KLF9: variants seen among roughly 807,000 people sequenced by gnomAD.
The protein encoded by KLF9 is KLF transcription factor 9.
In KLF9, 2 loss-of-function variants were observed where a neutral mutation model predicts 17.3. The ratio of observed to expected loss-of-function variants is 0.12; its 90% CI spans 0.05 to 0.36. The LOEUF (loss-of-function observed/expected upper bound fraction) is 0.36. Ranked by LOEUF, KLF9 falls within the 10% of genes least tolerant of loss-of-function variation. The probability of loss-of-function intolerance (pLI) is 1.00; values close to 1 mark genes in which losing one functional copy is unlikely to be tolerated. For synonymous variants in KLF9, 138 were observed against 139.2 expected (o/e 0.99, Z 0.06); for missense variants, 226 against 333.2 (o/e 0.68, Z 2.51).
At chr9:70,403,337 C>G (rs947898846) in intron 1 of KLF9, among the ~76,000 whole-genome samples, 1 of 152,086 alleles carries the variant, frequency 6.6e-6, no homozygotes, top group African/African-American at 2.4e-5. Flanking sequence ...CACCTCCAGA[C>G]CCAGAGATTG....
rs777379265 is a variant in KLF9, at chr9:70,412,851, C to T, written c.505+8G>A. 6.4e-7 allele frequency: 1 copy of T among 1,553,666 alleles called. No individual in the cohort carries two copies. The highest frequency in any genetic ancestry group is 1.4e-5 in the African/African-American group (1 of 73,268). ...CAGAGCTCCGGGGGAGAGGGCGACG[C>T]CGCTAACCTGTATGCACTCTGTAAT... On this transcript the variant is annotated splice_region_variant and intron_variant, in intron 1 of 1. Transcript: ENST00000377126.
At chr9:70,404,941 G>A (rs1298428404) in intron 1 of KLF9, among the ~76,000 whole-genome samples, 2 of 152,124 alleles carry the variant, frequency 1.3e-5, no homozygotes, top group African/African-American at 2.4e-5. Flanking sequence ...GTGCTCTGAC[G>A]ACTCTATCTA....
chr9:70,395,324 A>G (rs796351348), intron 1 of KLF9, among the ~76,000 whole-genome samples: 4 of 152,324 alleles, frequency 2.6e-5, no homozygotes, highest in African/African-American at 9.6e-5. Context: ...TGATTTCCAA[A>G]TGGGCTATAA....
intron 1 of KLF9, among the ~76,000 whole-genome samples, chr9:70,401,206 G>C (rs927164314): frequency 2.1e-4 from 32 of 151,766 alleles, no homozygotes; most frequent in Admixed American, 1.1e-3. Context: ...AAATTAGCTG[G>C]GCATGGTGGT....
Position 70,412,808 on chromosome 9 carries a change from C to A in KLF9, c.505+51G>T, listed in dbSNP as rs563920916. The A allele has an allele frequency of 5.3e-6, 8 of 1,515,318 alleles. No homozygotes were observed. In the Admixed American group the frequency reaches 8.8e-5, roughly 17 times the overall value. 93.9% of individuals were successfully genotyped at this position (1,515,318 alleles called of 1,614,324 possible). On this transcript the variant is annotated intron_variant, in intron 1 of 1. Transcript: ENST00000377126. ...CCGAACGCCCAGGAACGCTGCCTGG[C>A]CAAAGGTTAACTAACCCCAGAGCTC...
chr9:70,387,878 G>A lies in KLF9; in HGVS notation c.633C>T (p.Arg211=). ...KQFRCPLCEK[R]FMRSDHLTKH... ...TTGTGAGGTGGTCACTCCTCATGAAGCGCTTCTCACACAGCGGACAGCGGA... is the reference window on the plus strand; with the variant it reads ...TTGTGAGGTGGTCACTCCTCATGAAACGCTTCTCACACAGCGGACAGCGGA... Residue 211 remains arginine, a synonymous_variant, in exon 2 of 2, where the codon CGC becomes CGT. Coordinates refer to ENST00000377126, the MANE Select transcript of KLF9 (RefSeq NM_001206.4). 6.2e-7 allele frequency: 1 copy of A among 1,614,150 alleles called. No individual in the cohort carries two copies. The highest frequency in any genetic ancestry group is 2.2e-5 in the East Asian group (1 of 44,868).
intron 1 of KLF9, among the ~76,000 whole-genome samples, chr9:70,402,820 A>C (rs1306073775): frequency 6.6e-6 from 1 of 152,166 alleles, no homozygotes; most frequent in Non-Finnish European, 1.5e-5. Context: ...TCATTTTGTC[A>C]AACTCTGTTC....
intron 1 of KLF9, among the ~76,000 whole-genome samples, chr9:70,396,263 G>A (rs1041399031): frequency 6.6e-5 from 10 of 152,182 alleles, no homozygotes; most frequent in African/African-American, 2.4e-4. Context: ...AGGGATACCA[G>A]CATTGCTTAT....
chr9:70,404,996 T>C (rs1452590963), intron 1 of KLF9, among the ~76,000 whole-genome samples: 1 of 152,196 alleles, frequency 6.6e-6, no homozygotes, highest in Non-Finnish European at 1.5e-5. Flanking sequence ...TTCCAGTTCC[T>C]CAGTTTGACT....
intron 1 of KLF9, among the ~76,000 whole-genome samples, chr9:70,397,428 T>C (rs189129463): frequency 6.6e-6 from 1 of 151,882 alleles, no homozygotes; most frequent in African/African-American, 2.4e-5. Flanking sequence ...TGAGCTGAGA[T>C]TGCACCACTG....
At chr9:70,408,990 A>G (rs2037276166) in intron 1 of KLF9, among the ~76,000 whole-genome samples, 1 of 94,844 alleles carries the variant, frequency 1.1e-5, no homozygotes, top group African/African-American at 4.3e-5. Flanking sequence ...TGCACTATAT[A>G]TATATATGTG....
chr9:70,409,113 T>G (rs1485210317), intron 1 of KLF9, among the ~76,000 whole-genome samples: 1 of 90,744 alleles, frequency 1.1e-5, no homozygotes, highest in Non-Finnish European at 2.6e-5. Context: ...TGTATATATA[T>G]ACATATATGT....
In KLF9 at chr9:70,413,607, C is replaced by T. The variant is rs1446217843; in HGVS notation, c.-244G>A. 4.8e-6 allele frequency: 1 copy of T among 210,068 alleles called. No homozygotes were observed. The highest frequency in any genetic ancestry group is 9.1e-6 in the Non-Finnish European group (1 of 109,992). 13.0% of individuals were successfully genotyped at this position (210,068 alleles called of 1,614,324 possible). On this transcript the variant is annotated 5_prime_UTR_variant, in exon 1 of 2. Transcript: ENST00000377126. The surrounding 1 kb of genome is among the most constrained non-coding windows in gnomAD (Gnocchi z 5.6). Reference sequence around the variant, plus strand: ...TCCACGGCCCCGGGCTCCGCCGCGCCGCCGCCTCTAGCCGCCGCCCCTGCC... The same window carrying T: ...TCCACGGCCCCGGGCTCCGCCGCGCTGCCGCCTCTAGCCGCCGCCCCTGCC...
chr9:70,412,354 G>A (rs1179881018), intron 1 of KLF9, among the ~76,000 whole-genome samples: 2 of 152,016 alleles, frequency 1.3e-5, no homozygotes, highest in Non-Finnish European at 2.9e-5. Context: ...AACCACCTTG[G>A]CAAGCCCAAA....
In KLF9 at chr9:70,385,290, GT is replaced by G. The variant is rs1186935836; in HGVS notation, c.*2485del. 1 of 152,566 alleles carries G rather than the reference GT, an allele frequency of 6.6e-6. No individual in the cohort carries two copies. Among genetic ancestry groups the G allele is most frequent in the Admixed American group, 6.5e-5 (1 of 15,272 alleles). The allele number at this position is 152,566 out of a possible 1,614,324, so 9.5% of individuals were successfully genotyped here. On this transcript the variant is annotated 3_prime_UTR_variant, in exon 2 of 2. Transcript: ENST00000377126. ...AAATCTAATTAGAATGCTGGTTCCT[GT>G]TTTGTGACATTTTAAAACAGGATTT...
At chr9:70,409,136 A>ATATATG (rs2037288215) in intron 1 of KLF9, among the ~76,000 whole-genome samples, 51 of 54,712 alleles carry the variant, frequency 9.3e-4, no homozygotes, top group African/African-American at 2.0e-3. Flanking sequence ...ATATGTATAC[A>ATATATG]TATATATGTA....
rs1190597121 is a variant in KLF9 at position 70,384,732 on chromosome 9, A to G, written c.*3044T>C. 1 of 152,664 alleles carries G rather than the reference A, an allele frequency of 6.6e-6. No homozygotes were observed. Among genetic ancestry groups the G allele is most frequent in the Admixed American group, 6.5e-5 (1 of 15,280 alleles). 9.5% of individuals were successfully genotyped at this position (152,664 alleles called of 1,614,324 possible). On this transcript the variant is annotated 3_prime_UTR_variant, in exon 2 of 2. Coordinates refer to ENST00000377126, the MANE Select transcript of KLF9 (RefSeq NM_001206.4). ...CAGCAAAATAACTTAGGTCACTAAT[A>G]CTGTACAAAAATAAAACTGATTAAA...
Position 70,387,708 on chromosome 9 carries a change from C to T in KLF9, c.*68G>A, listed in dbSNP as rs981785477. 5.0e-6 allele frequency: 7 copies of T among 1,386,848 alleles called. No homozygotes were observed. The highest frequency in any genetic ancestry group is 2.8e-5 in the African/African-American group (2 of 70,404). 85.9% of individuals were successfully genotyped at this position (1,386,848 alleles called of 1,614,324 possible). ...CCTCTTCTGGGGCTCAGTTTTCACGCGTCTGTTTCCTGGGAGTACTTTTCT... is the reference window on the plus strand; with the variant it reads ...CCTCTTCTGGGGCTCAGTTTTCACGTGTCTGTTTCCTGGGAGTACTTTTCT... On this transcript the variant is annotated 3_prime_UTR_variant, in exon 2 of 2. Transcript: ENST00000377126.
At chr9:70,392,558 G>A (rs1248513034) in intron 1 of KLF9, among the ~76,000 whole-genome samples, 1 of 152,098 alleles carries the variant, frequency 6.6e-6, no homozygotes, top group African/African-American at 2.4e-5. Flanking sequence ...ATATAATAAG[G>A]TATTATTTAG....
Sources: gnomAD v4.1 joint callset for allele counts (sites outside exome capture counted in the v4.1 genomes callset) on GRCh38, gnomAD v4.1.1 for gene constraint, Gnocchi (gnomAD v3.1) non-coding constraint, MANE v1.5 for transcripts, NCBI Gene and HGNC (gene_info 2026-07-23, HGNC 2026-07-21) for gene names.